ADCY5: variants seen among roughly 807,000 people sequenced by gnomAD.
The protein encoded by ADCY5 is adenylate cyclase 5.
ADCY5 carries 30 observed loss-of-function variants against 119.7 expected under a neutral mutation model. That is an observed-to-expected ratio of 0.25 (90% confidence interval 0.19 to 0.34). The LOEUF is 0.34. Ranked by LOEUF, ADCY5 falls within the 10% of genes least tolerant of loss-of-function variation. ADCY5 has a pLI of 1.00. For synonymous variants in ADCY5, 753 were observed against 762.2 expected, an observed-to-expected ratio of 0.99 and a Z score of 0.20; for missense variants, 1,324 against 1,775.2, an observed-to-expected ratio of 0.75 and a Z score of 4.57.
At chr3:123,290,450 G>A (rs1939073829) in intron 18 of ADCY5, among the ~76,000 whole-genome samples, 1 of 152,158 alleles carries the variant, frequency 6.6e-6, no homozygotes, top group Admixed American at 6.5e-5. Context: ...GCTTCTCCCT[G>A]TGCCCCATGC....
chr3:123,390,367 TC>T (rs1944368959), intron 1 of ADCY5, among the ~76,000 whole-genome samples: 1 of 152,210 alleles, frequency 6.6e-6, no homozygotes, highest in Non-Finnish European at 1.5e-5. Flanking sequence ...CACTGCGTCT[TC>T]AAGCCCATTT....
intron 1 of ADCY5, chr3:123,404,498 A>G (rs1169652967): frequency 6.6e-6 from 1 of 152,472 alleles, no homozygotes; most frequent in East Asian, 1.9e-4. Flanking sequence ...GGAGGTGGGC[A>G]GTCGGCCCAT....
intron 1 of ADCY5, among the ~76,000 whole-genome samples, chr3:123,413,981 G>A (rs1945125966): frequency 6.6e-6 from 1 of 152,164 alleles, no homozygotes; most frequent in African/African-American, 2.4e-5. Flanking sequence ...AAAGAATTTG[G>A]GGAGATGACT....
intron 1 of ADCY5, among the ~76,000 whole-genome samples, chr3:123,362,154 T>A (rs1166479360): frequency 6.6e-6 from 1 of 152,208 alleles, no homozygotes; most frequent in Non-Finnish European, 1.5e-5. Context: ...TTTACATGGA[T>A]ATATTCTGTT....
At chr3:123,379,221 C>T (rs139559426) in intron 1 of ADCY5, among the ~76,000 whole-genome samples, 1 of 152,256 alleles carries the variant, frequency 6.6e-6, no homozygotes, top group East Asian at 1.9e-4. Flanking sequence ...GTTCCTGCCA[C>T]CCCCAGCGAG....
At chr3:123,413,745 G>A (rs1244393713) in intron 1 of ADCY5, among the ~76,000 whole-genome samples, 1 of 152,174 alleles carries the variant, frequency 6.6e-6, no homozygotes, top group East Asian at 1.9e-4. Context: ...AGGGAAAGCA[G>A]TTCACCTGCC....
intron 12 of ADCY5, among the ~76,000 whole-genome samples, chr3:123,308,680 T>C (rs910131894): frequency 6.6e-6 from 1 of 151,960 alleles, no homozygotes; most frequent in African/African-American, 2.4e-5. Flanking sequence ...ATACAAAAAA[T>C]TAGCCGGGCT....
intron 1 of ADCY5, among the ~76,000 whole-genome samples, chr3:123,371,332 T>C (rs1019808993): frequency 2.0e-5 from 3 of 152,210 alleles, no homozygotes; most frequent in African/African-American, 7.2e-5. Flanking sequence ...AAGATTAAGA[T>C]GATGGACTAA....
At chr3:123,414,855 G>A (rs1249571527) in intron 1 of ADCY5, among the ~76,000 whole-genome samples, 1 of 152,168 alleles carries the variant, frequency 6.6e-6, no homozygotes, top group Non-Finnish European at 1.5e-5. Context: ...ACCCTGCCCG[G>A]CCCTGATGGC....
chr3:123,438,628 C>CA (rs992994345), intron 1 of ADCY5, among the ~76,000 whole-genome samples: 1 of 152,216 alleles, frequency 6.6e-6, no homozygotes, highest in African/African-American at 2.4e-5. Flanking sequence ...GATCAACTGT[C>CA]ACAGTACTGC....
At chr3:123,317,756 A>AAG (rs2108333651) in intron 11 of ADCY5, among the ~76,000 whole-genome samples, 1 of 151,578 alleles carries the variant, frequency 6.6e-6, no homozygotes, top group East Asian at 2.0e-4. Context: ...GACCCAAAAA[A>AAG]AAAAAAAAAA....
intron 2 of ADCY5, among the ~76,000 whole-genome samples, chr3:123,348,243 C>T (rs2108484281): frequency 6.6e-6 from 1 of 152,192 alleles, no homozygotes; most frequent in Non-Finnish European, 1.5e-5. Flanking sequence ...CTCTGCGTGA[C>T]CTTGGGCAAG....
At chr3:123,367,188 C>T (rs1559840765) in intron 1 of ADCY5, among the ~76,000 whole-genome samples, 2 of 152,210 alleles carry the variant, frequency 1.3e-5, no homozygotes, top group Non-Finnish European at 2.9e-5. Context: ...GCACCGGCCC[C>T]CACCTCATCC....
chr3:123,349,135 G>A (rs536630060), intron 2 of ADCY5, among the ~76,000 whole-genome samples: 2 of 152,260 alleles, frequency 1.3e-5, no homozygotes, highest in Admixed American at 1.3e-4. Context: ...CCACCTGGAT[G>A]TCTTGCCACC....
In ADCY5 at chr3:123,367,996, T is replaced by C. The variant is rs1012537642; in HGVS notation, c.1135-15415A>G. 10 of 1,508,668 alleles carry C rather than the reference T, an allele frequency of 6.6e-6. No homozygotes were observed. The African/African-American group carries it at 1.1e-4, about 17-fold the overall frequency. 93.5% of individuals were successfully genotyped at this position (1,508,668 alleles called of 1,614,324 possible). A position where few individuals can be genotyped will look rare whatever the true frequency, so the allele number is the denominator to read the frequency against. ...CACTACACAGGCTGCCCTGTGGGGA[T>C]GGAGGGGACCATGGGCACCTCAGCA... On this transcript the variant is annotated intron_variant, in intron 1 of 20. Coordinates refer to ENST00000462833, the MANE Select transcript of ADCY5 (RefSeq NM_183357.3).
At chr3:123,310,649 C>T (rs1323722044) in intron 12 of ADCY5, among the ~76,000 whole-genome samples, 2 of 152,168 alleles carry the variant, frequency 1.3e-5, no homozygotes, top group East Asian at 1.9e-4. Context: ...CCTAGGTCAG[C>T]ATAGAAGTCA....
intron 5 of ADCY5, among the ~76,000 whole-genome samples, chr3:123,330,045 T>A (rs1941684738): frequency 6.6e-6 from 1 of 152,228 alleles, no homozygotes. Context: ...CCACATGACG[T>A]GCCTTGTATC....
At chr3:123,303,397 G>A (rs2108265677) in intron 13 of ADCY5, among the ~76,000 whole-genome samples, 178 bp from the exon 14 acceptor site, 1 of 152,312 alleles carries the variant, frequency 6.6e-6, no homozygotes, top group African/African-American at 2.4e-5. Context: ...AGCTGTCCTG[G>A]CTGGAGGGGG....
intron 17 of ADCY5, among the ~76,000 whole-genome samples, chr3:123,293,388 T>C (rs1047601692): frequency 6.6e-6 from 1 of 152,200 alleles, no homozygotes; most frequent in Admixed American, 6.5e-5. Context: ...TGTTTCTTTA[T>C]TGGTATTTAT....
Sources: gnomAD v4.1 joint callset for allele counts (sites outside exome capture counted in the v4.1 genomes callset) on GRCh38, gnomAD v4.1.1 for gene constraint, MANE v1.5 for transcripts, NCBI Gene and HGNC (gene_info 2026-07-23, HGNC 2026-07-21) for gene names.